VAX2: variants seen among roughly 807,000 people sequenced by gnomAD.
VAX2 encodes the protein ventral anterior homeobox 2.
In VAX2, 8 loss-of-function variants were observed where a neutral mutation model predicts 12.5. That is an observed-to-expected ratio of 0.64 (90% CI 0.37 to 1.15). The LOEUF (loss-of-function observed/expected upper bound fraction) is 1.15, where lower values mean the gene tolerates loss of function less well. VAX2 is among the 50% of genes most tolerant of loss of function. The probability of loss-of-function intolerance (pLI) is 0.01; values close to 1 mark genes in which losing one functional copy is unlikely to be tolerated. For synonymous variants in VAX2, 183 were observed against 187.6 expected (o/e 0.98, Z 0.20); for missense variants, 476 against 412.9 (o/e 1.15, Z -1.32).
At chr2:70,907,784 A>G (rs566339253) in intron 1 of VAX2, among the ~76,000 whole-genome samples, 6 of 152,256 alleles carry the variant, frequency 3.9e-5, no homozygotes, top group African/African-American at 1.2e-4. Context: ...ACTGTTTTCA[A>G]TTCTGGGCGA....
intron 2 of VAX2, among the ~76,000 whole-genome samples, chr2:70,926,428 T>C (rs1679575140): frequency 6.6e-6 from 1 of 152,228 alleles, no homozygotes; most frequent in Non-Finnish European, 1.5e-5. Flanking sequence ...TCAGAGAACA[T>C]GGACAGCCCC....
intron 1 of VAX2, among the ~76,000 whole-genome samples, chr2:70,920,467 C>G (rs1279163979): frequency 4.6e-5 from 7 of 152,062 alleles, no homozygotes; most frequent in African/African-American, 1.7e-4. Flanking sequence ...GTGGCAGCAG[C>G]CCCCCTCTGG....
chr2:70,925,457 A>G (rs1394753039), intron 2 of VAX2, among the ~76,000 whole-genome samples: 1 of 152,246 alleles, frequency 6.6e-6, no homozygotes, highest in Non-Finnish European at 1.5e-5. Context: ...GTGACACCAT[A>G]TAATGAGTTG....
chr2:70,922,245 C>A (rs1417050787), intron 2 of VAX2, among the ~76,000 whole-genome samples: 1 of 152,188 alleles, frequency 6.6e-6, no homozygotes, highest in Non-Finnish European at 1.5e-5. Flanking sequence ...TCAATACATG[C>A]ATTGTAAACG....
chr2:70,933,215 C>G lies in VAX2; in HGVS notation c.*11C>G. 1.3e-6 allele frequency: 2 copies of G among 1,504,636 alleles called. No individual in the cohort carries two copies. The highest frequency in any genetic ancestry group is 1.8e-6 in the Non-Finnish European group (2 of 1,126,368). The allele number at this position is 1,504,636 out of a possible 1,614,324, so 93.2% of individuals were successfully genotyped here. A position where few individuals can be genotyped will look rare whatever the true frequency, so the allele number is the denominator to read the frequency against. ...AAAGCTAACACTTAAGACTCCCACCCTGTGACACTGAGTCCCGAGCACAGC... is the reference window on the plus strand; with the variant it reads ...AAAGCTAACACTTAAGACTCCCACCGTGTGACACTGAGTCCCGAGCACAGC... On this transcript the variant is annotated 3_prime_UTR_variant, in exon 3 of 3. Coordinates refer to ENST00000234392, the MANE Select transcript of VAX2 (RefSeq NM_012476.3).
intron 2 of VAX2, 53 bp from the exon 3 acceptor site, chr2:70,932,714 C>G: frequency 7.1e-7 from 1 of 1,407,858 alleles, no homozygotes; most frequent in Non-Finnish European, 9.4e-7. Context: ...CCTGCCCCCA[C>G]TTTGCTTTGC....
chr2:70,914,918 C>G (rs899153299), intron 1 of VAX2, among the ~76,000 whole-genome samples: 5 of 151,510 alleles, frequency 3.3e-5, no homozygotes, highest in African/African-American at 1.2e-4. Context: ...TCTCATGCCT[C>G]GGCCCCTGAG....
At chr2:70,916,626 G>T (rs1679310003) in intron 1 of VAX2, among the ~76,000 whole-genome samples, 1 of 152,148 alleles carries the variant, frequency 6.6e-6, no homozygotes, top group Non-Finnish European at 1.5e-5. Flanking sequence ...ATCATATAGT[G>T]TATAACTTTT....
intron 2 of VAX2, among the ~76,000 whole-genome samples, chr2:70,922,632 A>AGAGGAGGGGCAGGCCGG (rs536662078): frequency 3.5e-4 from 53 of 149,690 alleles, no homozygotes; most frequent in African/African-American, 8.1e-4. Context: ...GGTGAGAGGC[A>AGAGGAGGGGCAGGCCGG]GAGGAGGGGC....
intron 1 of VAX2, among the ~76,000 whole-genome samples, chr2:70,915,271 C>T (rs539207081): frequency 7.9e-5 from 12 of 151,382 alleles, no homozygotes; most frequent in African/African-American, 1.7e-4. Context: ...TTTTTGAGAC[C>T]GAGTCTTGCT....
intron 1 of VAX2, among the ~76,000 whole-genome samples, chr2:70,906,456 C>T (rs1320255200): frequency 2.0e-5 from 3 of 150,890 alleles, no homozygotes; most frequent in African/African-American, 7.3e-5. Flanking sequence ...TCAGGGCCCT[C>T]CTTGAACCAT....
chr2:70,932,216 A>G (rs1553414400), intron 2 of VAX2, among the ~76,000 whole-genome samples: 1 of 152,162 alleles, frequency 6.6e-6, no homozygotes, highest in African/African-American at 2.4e-5. Context: ...CCATGATGGA[A>G]GAGGGAGCGT....
At chr2:70,920,655 ACAC>A (rs1553412715) in intron 1 of VAX2, among the ~76,000 whole-genome samples, 1 of 151,878 alleles carries the variant, frequency 6.6e-6, no homozygotes, top group East Asian at 1.9e-4. Context: ...ACACACACAC[ACAC>A]ACACACACAC....
chr2:70,922,355 C>A (rs1428043855), intron 2 of VAX2, among the ~76,000 whole-genome samples: 1 of 151,752 alleles, frequency 6.6e-6, no homozygotes, highest in Admixed American at 6.6e-5. Context: ...TGGAGCGAGG[C>A]GGGAGGCTGT....
At chr2:70,900,991 C>A in intron 1 of VAX2, 123 bp downstream of exon 1, 1 of 1,026,084 alleles carries the variant, frequency 9.7e-7, no homozygotes, top group Non-Finnish European at 1.3e-6. Flanking sequence ...TCCAGTCATT[C>A]ATTCAGCAAA....
Position 70,900,600 on chromosome 2 carries a change from G to A in VAX2, c.-22G>A. On this transcript the variant is annotated 5_prime_UTR_variant, in exon 1 of 3. Transcript: ENST00000234392. ...CAGCGTAGGCTGGCTCCGCCGTAGA[G>A]GGGTTGGCAGTGGCGGTCAGCATGG... 1 of 1,253,424 alleles carries A rather than the reference G, an allele frequency of 8.0e-7. No homozygotes were observed. The highest frequency in any genetic ancestry group is 1.0e-6 in the Non-Finnish European group (1 of 999,254). The allele number at this position is 1,253,424 out of a possible 1,614,324, so 77.6% of individuals were successfully genotyped here.
chr2:70,928,773 C>G (rs1553413900), intron 2 of VAX2, among the ~76,000 whole-genome samples: 1 of 152,256 alleles, frequency 6.6e-6, no homozygotes, highest in Non-Finnish European at 1.5e-5. Flanking sequence ...TCTGTGTCTC[C>G]TCTCCCTCTA....
At chr2:70,927,557 C>CTGTTTTCTGTGGTA in intron 2 of VAX2, among the ~76,000 whole-genome samples, 1 of 150,978 alleles carries the variant, frequency 6.6e-6, no homozygotes, top group South Asian at 2.1e-4. Flanking sequence ...AGTATGGGCC[C>CTGTTTTCTGTGGTA]ATGGTCACAG....
intron 1 of VAX2, among the ~76,000 whole-genome samples, chr2:70,915,673 T>A (rs1409806632): frequency 6.6e-6 from 1 of 152,240 alleles, no homozygotes; most frequent in Non-Finnish European, 1.5e-5. Flanking sequence ...GTGTTGTTAT[T>A]TATGGAGCGA....
Sources: gnomAD v4.1 joint callset for allele counts (sites outside exome capture counted in the v4.1 genomes callset) on GRCh38, gnomAD v4.1.1 for gene constraint, MANE v1.5 for transcripts, NCBI Gene and HGNC (gene_info 2026-07-23, HGNC 2026-07-21) for gene names.